EXOC4: variants seen among roughly 807,000 people sequenced by gnomAD.
EXOC4 encodes SEC8-like 1.
A neutral mutation model predicts 107.2 loss-of-function variants in EXOC4; 71 were observed. The observed-to-expected ratio is 0.66, with a 90% CI of 0.55 to 0.81. EXOC4 has a LOEUF of 0.81. Ranked by LOEUF, EXOC4 falls within the 30% of genes least tolerant of loss-of-function variation. The pLI, the probability that EXOC4 is intolerant of heterozygous loss-of-function variation, is 0.00. For missense variants in EXOC4, 1,108 were observed against 1,189.6 expected (o/e 0.93, Z 1.01); for synonymous variants, 456 against 441.2 (o/e 1.03, Z -0.42).
chr7:134,092,518 GA>G, the EXOC4 span, among the ~76,000 whole-genome samples: 1 of 152,114 alleles, frequency 6.6e-6, no homozygotes, highest in Non-Finnish European at 1.5e-5. Flanking sequence ...CTACTCAGCA[GA>G]AACCTTATAA....
At chr7:133,630,807 T>C (rs998739351) in intron 10 of EXOC4, among the ~76,000 whole-genome samples, 1 of 152,208 alleles carries the variant, frequency 6.6e-6, no homozygotes, top group Non-Finnish European at 1.5e-5. Flanking sequence ...GTGAAATCTA[T>C]TCTAATGCTC....
At chr7:134,062,516 C>T (rs1042231931) in intron 17 of EXOC4, among the ~76,000 whole-genome samples, 2 of 152,204 alleles carry the variant, frequency 1.3e-5, no homozygotes, top group Non-Finnish European at 2.9e-5. Context: ...TACAGGATTT[C>T]TGAGCCACTC....
intron 9 of EXOC4, among the ~76,000 whole-genome samples, chr7:133,521,805 GAGAC>G (rs1799985470): frequency 6.6e-6 from 1 of 152,050 alleles, no homozygotes; most frequent in Admixed American, 6.6e-5. Context: ...ATTTTTAGTA[GAGAC>G]GTGATTTCAC....
downstream of EXOC4, among the ~76,000 whole-genome samples, chr7:134,068,944 T>C (rs756740794): frequency 3.3e-5 from 5 of 152,188 alleles, no homozygotes; most frequent in African/African-American, 4.8e-5. Context: ...AGTCGGGCAA[T>C]GACAGGCAAA....
intron 10 of EXOC4, among the ~76,000 whole-genome samples, chr7:133,675,365 T>C (rs1794032903): frequency 1.3e-5 from 2 of 152,218 alleles, no homozygotes; most frequent in Non-Finnish European, 2.9e-5. Context: ...TTCAAAACTC[T>C]TTCTAGATGA....
At chr7:133,508,209 G>T (rs533056168) in intron 9 of EXOC4, among the ~76,000 whole-genome samples, 2 of 151,948 alleles carry the variant, frequency 1.3e-5, no homozygotes, top group East Asian at 1.9e-4. Flanking sequence ...TTCAATGAAA[G>T]AAATGAAATA....
intron 14 of EXOC4, among the ~76,000 whole-genome samples, chr7:133,971,606 A>AC (rs1446045512): frequency 6.6e-6 from 1 of 151,976 alleles, no homozygotes; most frequent in Non-Finnish European, 1.5e-5. Context: ...TGGAAAACAA[A>AC]CCTTTTTTAA....
chr7:133,404,106 T>G (rs1184658295), intron 7 of EXOC4, among the ~76,000 whole-genome samples: 1 of 152,100 alleles, frequency 6.6e-6, no homozygotes, highest in Non-Finnish European at 1.5e-5. Context: ...AACTTTTTTT[T>G]GTTTGTTTGT....
chr7:133,933,626 G>A (rs1219936042), intron 13 of EXOC4, among the ~76,000 whole-genome samples: 3 of 152,226 alleles, frequency 2.0e-5, no homozygotes, highest in African/African-American at 7.2e-5. Flanking sequence ...CCTAGAAAGT[G>A]GAAATAATAC....
At chr7:133,805,913 T>C (rs1433427068) in intron 10 of EXOC4, among the ~76,000 whole-genome samples, 1 of 152,256 alleles carries the variant, frequency 6.6e-6, no homozygotes, top group Admixed American at 6.5e-5. Context: ...ATTTTAATTC[T>C]GTCTATTCAC....
chr7:134,022,716 T>G (rs943013174), intron 17 of EXOC4, among the ~76,000 whole-genome samples: 1 of 152,310 alleles, frequency 6.6e-6, no homozygotes, highest in South Asian at 2.1e-4. Context: ...TGGCAGCTGT[T>G]TTAACAGGGA....
chr7:133,379,930 A>G (rs1796575523), intron 7 of EXOC4, among the ~76,000 whole-genome samples: 1 of 152,156 alleles, frequency 6.6e-6, no homozygotes, highest in South Asian at 2.1e-4. Context: ...AAATTTACAG[A>G]TTAAAAATAG....
chr7:133,453,460 A>C (rs964216648), intron 7 of EXOC4, among the ~76,000 whole-genome samples: 5 of 152,216 alleles, frequency 3.3e-5, no homozygotes, highest in Non-Finnish European at 2.9e-5. Flanking sequence ...TAATCATTTA[A>C]AGAATGAAAA....
rs1794929016 is a variant in EXOC4, at chr7:133,253,129, T to TA, written c.29dup (p.Tyr10Ter). 6.2e-7 allele frequency: 1 copy of TA among 1,614,018 alleles called. No homozygotes were observed. The highest frequency in any genetic ancestry group is 8.5e-7 in the Non-Finnish European group (1 of 1,179,994). The change falls in exon 1 of 18, where the codon TAC becomes TAAC. Residue 10 changes from tyrosine (Y) to a stop codon, truncating the protein, a stop_gained and frameshift_variant. Transcript: ENST00000253861. LOFTEE classifies it high-confidence loss of function. ...GGCGGCAGAAGCAGCTGGTGGGAAA[T>TA]ACAGAAGCACAGTCAGCAAAAGCAA... The part of the protein sequence containing the change: MAAEAAGGK[Y>*]RSTVSKSKDP...
intron 10 of EXOC4, among the ~76,000 whole-genome samples, chr7:133,707,630 T>C (rs1218908875): frequency 2.0e-5 from 3 of 152,112 alleles, no homozygotes; most frequent in Admixed American, 6.6e-5. Flanking sequence ...TATTTATTTT[T>C]TTTGAGATGG....
chr7:133,648,763 G>T (rs187529692), intron 10 of EXOC4, among the ~76,000 whole-genome samples: 4 of 152,098 alleles, frequency 2.6e-5, no homozygotes, highest in African/African-American at 9.7e-5. Flanking sequence ...TTATTTACTT[G>T]CTTATCCTTT....
intron 17 of EXOC4, among the ~76,000 whole-genome samples, chr7:134,036,601 G>A (rs1477950870): frequency 6.6e-6 from 1 of 151,994 alleles, no homozygotes; most frequent in Non-Finnish European, 1.5e-5. Context: ...AGAAAAAAAA[G>A]AGAGAGAATT....
intron 7 of EXOC4, among the ~76,000 whole-genome samples, chr7:133,448,859 C>G (rs1053573339): frequency 6.6e-6 from 1 of 152,102 alleles, no homozygotes; most frequent in Admixed American, 6.6e-5. Flanking sequence ...AATCCCAGCT[C>G]TTTGGGAGGC....
At chr7:133,595,537 T>G (rs761955529) in intron 9 of EXOC4, among the ~76,000 whole-genome samples, 4 of 152,214 alleles carry the variant, frequency 2.6e-5, no homozygotes, top group Non-Finnish European at 5.9e-5. Flanking sequence ...CAGAAAAACA[T>G]TTTTTAGTTC....
Sources: gnomAD v4.1 joint callset for allele counts (sites outside exome capture counted in the v4.1 genomes callset) on GRCh38, gnomAD v4.1.1 for gene constraint, MANE v1.5 for transcripts, NCBI Gene and HGNC (gene_info 2026-07-23, HGNC 2026-07-21) for gene names.